CNKSR2: variants seen among roughly 807,000 people sequenced by gnomAD.
CNKSR2 encodes CNK homolog protein 2.
In CNKSR2, 14 loss-of-function variants were observed where a neutral mutation model predicts 84.4. That is an observed-to-expected ratio of 0.17 (90% confidence interval 0.11 to 0.26). The LOEUF (loss-of-function observed/expected upper bound fraction) is 0.26. Ranked by LOEUF, CNKSR2 falls within the 10% of genes least tolerant of loss-of-function variation. The probability of loss-of-function intolerance (pLI) is 1.00; values close to 1 mark genes in which losing one functional copy is unlikely to be tolerated. For synonymous variants in CNKSR2, 275 were observed against 277.9 expected, an observed-to-expected ratio of 0.99 and a Z score of 0.10; for missense variants, 485 against 771.2, an observed-to-expected ratio of 0.63 and a Z score of 4.40.
At chrX:21,509,198 C>A (rs765124229) in intron 8 of CNKSR2, among the ~76,000 whole-genome samples, 34 of 111,959 alleles carry the variant, frequency 3.0e-4, no homozygotes, top group Admixed American at 4.7e-4. Context: ...AGATTGTTAG[C>A]AGCTCAACAT....
At chrX:21,561,182 TAAAA>T (rs61507460) in intron 11 of CNKSR2, among the ~76,000 whole-genome samples, 23 of 92,457 alleles carry the variant, frequency 2.5e-4, no homozygotes, top group African/African-American at 8.4e-4. Context: ...TTATCTTCTT[TAAAA>T]AAAAAAAAAA....
At chrX:21,572,685 A>G (rs910710343) in intron 13 of CNKSR2, among the ~76,000 whole-genome samples, 1 of 111,393 alleles carries the variant, frequency 9.0e-6, no homozygotes, top group Admixed American at 9.5e-5. Context: ...ATGATAAATC[A>G]CAATCATGAG....
intron 7 of CNKSR2, 78 bp from the exon 8 acceptor site, chrX:21,501,442 C>T (rs940508512): frequency 2.4e-5 from 13 of 545,245 alleles, no homozygotes; most frequent in Non-Finnish European, 3.4e-5. Flanking sequence ...TGGAGATGAA[C>T]TTTTTGTAGT....
At chrX:21,437,256 C>A (rs1366519918) in intron 3 of CNKSR2, among the ~76,000 whole-genome samples, 1 of 110,622 alleles carries the variant, frequency 9.0e-6, no homozygotes, top group Non-Finnish European at 1.9e-5. Context: ...CTGTGCATCA[C>A]CTCATCACTT....
intron 11 of CNKSR2, among the ~76,000 whole-genome samples, chrX:21,558,027 T>C (rs2092154784): frequency 9.0e-6 from 1 of 111,482 alleles, no homozygotes. Context: ...TACTCTTGCC[T>C]TTGGTGTTTT....
rs186180644 is a variant in CNKSR2, at chrX:21,434,896, A to G, written c.431+2082A>G. On this transcript the variant is annotated intron_variant, in intron 3 of 21. Coordinates refer to ENST00000379510, the MANE Select transcript of CNKSR2 (RefSeq NM_014927.5). ...TCAGCTCATTGAATTCTCACAGAGC[A>G]GATATTGTTATCTCCATTTTACATA... 4.5e-3 allele frequency among the ~76,000 whole-genome samples: 480 copies of G among 107,839 alleles called. 1 individual carries two copies. Among genetic ancestry groups the G allele is most frequent in the Middle Eastern group, 0.015 (3 of 206 alleles). 93.6% of individuals were successfully genotyped at this position (107,839 alleles called of 115,157 possible). A position where few individuals can be genotyped will look rare whatever the true frequency, so the allele number is the denominator to read the frequency against.
chrX:21,461,821 C>A (rs986284258), intron 4 of CNKSR2, among the ~76,000 whole-genome samples: 1 of 111,778 alleles, frequency 8.9e-6, no homozygotes, highest in South Asian at 3.8e-4. Context: ...ATCCTTGGCA[C>A]CTTTGTTGAA....
At chrX:21,464,943 C>T (rs2091107869) in intron 4 of CNKSR2, among the ~76,000 whole-genome samples, 1 of 112,274 alleles carries the variant, frequency 8.9e-6, no homozygotes, top group South Asian at 3.7e-4. Flanking sequence ...ATATTATTTT[C>T]TCTGCCTTCT....
chrX:21,457,890 AGTT>A (rs776454739), intron 4 of CNKSR2, among the ~76,000 whole-genome samples: 2 of 112,076 alleles, frequency 1.8e-5, no homozygotes, highest in Non-Finnish European at 3.8e-5. Flanking sequence ...AGTTCAACAG[AGTT>A]GTTATTGTTA....
At chrX:21,637,999 C>T (rs1010698075) in intron 20 of CNKSR2, among the ~76,000 whole-genome samples, 5 of 111,388 alleles carry the variant, frequency 4.5e-5, no homozygotes, top group African/African-American at 1.6e-4. Flanking sequence ...CTCAAGCATG[C>T]TGATTATGGA....
chrX:21,470,872 T>C, intron 5 of CNKSR2, 65 bp downstream of exon 5: 1 of 610,384 alleles, frequency 1.6e-6, no homozygotes, highest in Non-Finnish European at 2.5e-6. Flanking sequence ...CTAGAAGAGG[T>C]GAACCATAAG....
At chrX:21,439,279 T>A (rs2090751336) in intron 3 of CNKSR2, among the ~76,000 whole-genome samples, 1 of 110,647 alleles carries the variant, frequency 9.0e-6, no homozygotes, top group Admixed American at 9.6e-5. Context: ...AACGGTCAAG[T>A]CTCATGGAAA....
intron 11 of CNKSR2, among the ~76,000 whole-genome samples, chrX:21,541,023 C>T (rs2091972160): frequency 1.8e-5 from 2 of 108,629 alleles, no homozygotes; most frequent in African/African-American, 6.7e-5. Flanking sequence ...TGCTCTGTTG[C>T]CCAGGCTGGA....
chrX:21,401,315 T>G (rs2090188390), intron 1 of CNKSR2, among the ~76,000 whole-genome samples: 1 of 111,518 alleles, frequency 9.0e-6, no homozygotes, highest in African/African-American at 3.2e-5. Context: ...TTAAAAAAAA[T>G]CGTGTATTTT....
At chrX:21,586,243 G>A (rs1276478887) in intron 13 of CNKSR2, among the ~76,000 whole-genome samples, 1 of 111,799 alleles carries the variant, frequency 8.9e-6, no homozygotes, top group African/African-American at 3.3e-5. Flanking sequence ...CAACTGGGAA[G>A]GCAAGCAGAG....
At chrX:21,500,875 A>T (rs1263377163) in intron 7 of CNKSR2, among the ~76,000 whole-genome samples, 1 of 111,643 alleles carries the variant, frequency 9.0e-6, no homozygotes, top group African/African-American at 3.2e-5. Context: ...ATCCTCTTAT[A>T]ACTAGACACT....
At chrX:21,461,080 G>A (rs1161520022) in intron 4 of CNKSR2, among the ~76,000 whole-genome samples, 2 of 111,941 alleles carry the variant, frequency 1.8e-5, no homozygotes, top group African/African-American at 3.2e-5. Flanking sequence ...TGTCACAGCT[G>A]TATTTTTAGT....
intron 1 of CNKSR2, among the ~76,000 whole-genome samples, chrX:21,390,003 T>G (rs542019027): frequency 8.9e-6 from 1 of 112,031 alleles, no homozygotes; most frequent in African/African-American, 3.2e-5. Context: ...CCACCAAAAG[T>G]TAGCTCCATC....
chrX:21,591,168 T>A lies in CNKSR2; in HGVS notation c.1804T>A (p.Ser602Thr), dbSNP rs1371592566. 1 of 1,200,940 alleles carries A rather than the reference T, an allele frequency of 8.3e-7. No homozygotes were observed. Among genetic ancestry groups the A allele is most frequent in the East Asian group, 3.0e-5 (1 of 33,470 alleles). The change falls in exon 15 of 22, where the codon TCC becomes ACC. Residue 602 changes from serine (S) to threonine (T), a missense_variant. By Grantham distance (58) the Ser-to-Thr change is moderately conservative. Transcript: ENST00000379510. ...KKYWFVLKDA[S>T]LYWYINEEDE... is the part of the protein sequence containing the mutation. ...ATATTGGTTTGTCCTAAAGGATGCA[T>A]CCCTTTATTGGTATATTAATGAGGA... is the stretch of plus-strand genomic sequence containing the variant.
Sources: gnomAD v4.1 joint callset for allele counts (sites outside exome capture counted in the v4.1 genomes callset) on GRCh38, gnomAD v4.1.1 for gene constraint, MANE v1.5 for transcripts, NCBI Gene and HGNC (gene_info 2026-07-23, HGNC 2026-07-21) for gene names.